Variants in FAR2 observed in about 807,000 individuals in gnomAD.
FAR2 encodes fatty acyl-CoA reductase 2, also known as epididymis secretory protein Li 81.
A neutral mutation model predicts 56.0 loss-of-function variants in FAR2; 19 were observed. The ratio of observed to expected loss-of-function variants is 0.34; its 90% CI spans 0.24 to 0.50. The LOEUF (loss-of-function observed/expected upper bound fraction) is 0.50. Among genes scored for constraint, FAR2 ranks in the 20% least tolerant of loss-of-function variants. FAR2 has a pLI of 0.98. For synonymous variants in FAR2, 219 were observed against 218.8 expected (o/e 1.00, Z -0.01); for missense variants, 508 against 642.2 (o/e 0.79, Z 2.26).
chr12:29,245,216 G>A (rs1477047198), intron 1 of FAR2, among the ~76,000 whole-genome samples: 1 of 152,126 alleles, frequency 6.6e-6, no homozygotes, highest in Non-Finnish European at 1.5e-5. Context: ...TCTTGACCTC[G>A]TGATCCGCCC....
At chr12:29,203,790 G>A (rs913265009) in intron 1 of FAR2, among the ~76,000 whole-genome samples, 16 of 151,876 alleles carry the variant, frequency 1.1e-4, no homozygotes, top group Non-Finnish European at 2.9e-5. Flanking sequence ...ACGAGGTCAG[G>A]AGATCGAGAC....
At chr12:29,290,457 A>G (rs182462075) in intron 2 of FAR2, among the ~76,000 whole-genome samples, 3 of 152,188 alleles carry the variant, frequency 2.0e-5, no homozygotes, top group East Asian at 3.9e-4. Flanking sequence ...GAAAAAAAAA[A>G]AAAGAAAGAA....
At chr12:29,276,815 T>G (rs1195478466) in intron 2 of FAR2, among the ~76,000 whole-genome samples, 2 of 151,298 alleles carry the variant, frequency 1.3e-5, no homozygotes, top group Non-Finnish European at 2.9e-5. Context: ...GGATGAGCTA[T>G]GTTTGAAAGG....
rs1227875772 is a variant in FAR2, at chr12:29,293,349, G to C, written c.239G>C (p.Arg80Thr). The change falls in exon 3 of 12, where the codon AGA (arginine) becomes ACA (threonine). Residue 80 changes from arginine to threonine, a missense_variant. Coordinates refer to ENST00000536681, the MANE Select transcript of FAR2 (RefSeq NM_001271783.2). ...TGTCCAAATGTGCATGAGAAGATCA[G>C]AGCTATTTATGCAGATCTCAATCAG... ...EVCPNVHEKI[R>T]AIYADLNQND... 5.0e-6 allele frequency: 8 copies of C among 1,609,020 alleles called. No individual in the cohort carries two copies. Among genetic ancestry groups the C allele is most frequent in the Non-Finnish European group, 6.8e-6 (8 of 1,178,130 alleles).
At chr12:29,188,304 C>A (rs1445348499) in intron 1 of FAR2, among the ~76,000 whole-genome samples, 1 of 151,856 alleles carries the variant, frequency 6.6e-6, no homozygotes. Context: ...GGTCTATCAC[C>A]ACCCAGCTTT....
At chr12:29,178,631 G>A (rs1949962272) in intron 1 of FAR2, among the ~76,000 whole-genome samples, 1 of 152,070 alleles carries the variant, frequency 6.6e-6, no homozygotes, top group African/African-American at 2.4e-5. Context: ...TTTTCAAAAA[G>A]GGGCCCAGGA....
intron 10 of FAR2, among the ~76,000 whole-genome samples, chr12:29,324,982 A>G (rs1426070528): frequency 7.0e-6 from 1 of 141,942 alleles, no homozygotes; most frequent in Non-Finnish European, 1.6e-5. Flanking sequence ...AAGAACCATC[A>G]GTGTGCTGTA....
At chr12:29,200,773 G>A (rs1947399486) in intron 1 of FAR2, among the ~76,000 whole-genome samples, 1 of 152,168 alleles carries the variant, frequency 6.6e-6, no homozygotes, top group Non-Finnish European at 1.5e-5. Context: ...TACCGTGGGT[G>A]CTTAAGTGCG....
At chr12:29,332,191 G>C (rs10843388) in intron 10 of FAR2, among the ~76,000 whole-genome samples, 1 of 151,990 alleles carries the variant, frequency 6.6e-6, no homozygotes, top group Non-Finnish European at 1.5e-5. Flanking sequence ...GTAGAACAAA[G>C]GGATAACACC....
At chr12:29,261,070 T>C (rs1948410177) in intron 1 of FAR2, among the ~76,000 whole-genome samples, 1 of 152,160 alleles carries the variant, frequency 6.6e-6, no homozygotes, top group South Asian at 2.1e-4. Flanking sequence ...TTACAATAAA[T>C]ACCTGATGCT....
intron 1 of FAR2, among the ~76,000 whole-genome samples, chr12:29,265,535 A>G (rs984191053): frequency 6.6e-6 from 1 of 152,196 alleles, no homozygotes; most frequent in Admixed American, 6.5e-5. Context: ...AACAAATTGG[A>G]TTAAAAACTT....
rs1420372928 is a variant in FAR2 at position 29,270,765 on chromosome 12, A to C, written c.189+127A>C. 3.0e-5 allele frequency: 21 copies of C among 711,006 alleles called. No individual in the cohort carries two copies. The Admixed American group carries it at 3.8e-4, about 13-fold the overall frequency. The allele number at this position is 711,006 out of a possible 1,614,324, so 44.0% of individuals were successfully genotyped here. A position where few individuals can be genotyped will look rare whatever the true frequency, so the allele number is the denominator to read the frequency against. On this transcript the variant is annotated intron_variant, in intron 2 of 11. Coordinates refer to ENST00000536681, the MANE Select transcript of FAR2 (RefSeq NM_001271783.2). Reference sequence around the variant, plus strand: ...TACCTGCACAGGTAGAGGAAGGCAGACAAAACAAGACAGCAACAAGCTGCT... The same window carrying C: ...TACCTGCACAGGTAGAGGAAGGCAGCCAAAACAAGACAGCAACAAGCTGCT...
intron 1 of FAR2, among the ~76,000 whole-genome samples, chr12:29,194,096 A>G (rs1478520247): frequency 1.3e-5 from 2 of 152,204 alleles, no homozygotes; most frequent in African/African-American, 4.8e-5. Context: ...ACCCCTGCAG[A>G]CATTTAAGCT....
At chr12:29,309,110 A>C in intron 5 of FAR2, 76 bp from the exon 6 acceptor site, 1 of 992,538 alleles carries the variant, frequency 1.0e-6, no homozygotes, top group Non-Finnish European at 1.6e-6. Flanking sequence ...AAATTTATTA[A>C]GATTAGACTG....
At chr12:29,153,089 G>T (rs1949694070) in intron 1 of FAR2, among the ~76,000 whole-genome samples, 1 of 152,224 alleles carries the variant, frequency 6.6e-6, no homozygotes, top group Non-Finnish European at 1.5e-5. Flanking sequence ...TCTGTGACCA[G>T]ACACTGTGCC....
At chr12:29,297,836 A>G (rs1032046696) in intron 4 of FAR2, among the ~76,000 whole-genome samples, 1 of 152,030 alleles carries the variant, frequency 6.6e-6, no homozygotes, top group South Asian at 2.1e-4. Context: ...ACCTGAGTCC[A>G]AGAGTTCAAG....
intron 1 of FAR2, among the ~76,000 whole-genome samples, chr12:29,258,182 T>TC (rs35629551): frequency 2.1e-5 from 3 of 146,086 alleles, no homozygotes; most frequent in Non-Finnish European, 4.5e-5. Flanking sequence ...TGTCTTTACT[T>TC]AAAAAAAAAA....
At chr12:29,297,860 A>G (rs1949096363) in intron 4 of FAR2, among the ~76,000 whole-genome samples, 1 of 152,056 alleles carries the variant, frequency 6.6e-6, no homozygotes, top group South Asian at 2.1e-4. Flanking sequence ...AGCCTAAAAT[A>G]CAAAAATTAG....
intron 1 of FAR2, among the ~76,000 whole-genome samples, chr12:29,229,135 C>T (rs1488477339): frequency 6.6e-6 from 1 of 152,178 alleles, no homozygotes; most frequent in African/African-American, 2.4e-5. Context: ...TGCAGTTCAC[C>T]TGTTGTTTGA....
Sources: allele counts gnomAD v4.1 joint callset (sites outside exome capture counted in the v4.1 genomes callset), GRCh38; gene constraint gnomAD v4.1.1; transcripts MANE v1.5; gene names NCBI Gene and HGNC (gene_info 2026-07-23, HGNC 2026-07-21).